The following UBE2W variants were observed in gnomAD, a reference collection of about 807,000 sequenced individuals.
UBE2W encodes the protein ubiquitin-conjugating enzyme E2 W.
A neutral mutation model predicts 27.2 loss-of-function variants in UBE2W; 18 were observed. The ratio of observed to expected loss-of-function variants is 0.66; its 90% CI spans 0.46 to 0.98. The LOEUF (loss-of-function observed/expected upper bound fraction) is 0.98. Ranked by LOEUF, UBE2W falls within the 50% of genes least tolerant of loss-of-function variation. UBE2W has a pLI of 0.00. For synonymous variants in UBE2W, 53 were observed against 57.2 expected, an observed-to-expected ratio of 0.93 and a Z score of 0.33; for missense variants, 90 against 180.2, an observed-to-expected ratio of 0.50 and a Z score of 2.87.
intron 5 of UBE2W, among the ~76,000 whole-genome samples, chr8:73,802,120 TC>T (rs1163344508): frequency 6.6e-6 from 1 of 152,248 alleles, no homozygotes; most frequent in Non-Finnish European, 1.5e-5. Context: ...GGACAGATTC[TC>T]TGAAGTTTAA....
downstream of UBE2W, among the ~76,000 whole-genome samples, chr8:73,785,587 C>G (rs574796770): frequency 7.2e-5 from 11 of 152,104 alleles, no homozygotes; most frequent in Middle Eastern, 3.4e-3. Context: ...TTTTTCCAAC[C>G]CTGGCACCCA....
intron 1 of UBE2W, among the ~76,000 whole-genome samples, chr8:73,848,483 A>C (rs1810912339): frequency 6.6e-6 from 1 of 152,134 alleles, no homozygotes; most frequent in Non-Finnish European, 1.5e-5. Context: ...CAGGAGTTTG[A>C]AACTAGCCTG....
intron 2 of UBE2W, 24 bp from the exon 3 acceptor site, chr8:73,825,273 AAACTT>A: frequency 6.6e-7 from 1 of 1,509,732 alleles, no homozygotes; most frequent in Non-Finnish European, 9.0e-7. Context: ...GGCAAATTAA[AAACTT>A]AAGATAATAG....
At chr8:73,810,658 T>G in intron 3 of UBE2W, 29 bp from the exon 4 acceptor site, 1 of 1,501,600 alleles carries the variant, frequency 6.7e-7, no homozygotes, top group South Asian at 1.3e-5. Flanking sequence ...CCATTAAAAC[T>G]CAAATATTCT....
chr8:73,822,236 C>A (rs1342071657), intron 3 of UBE2W, among the ~76,000 whole-genome samples: 1 of 152,092 alleles, frequency 6.6e-6, no homozygotes, highest in African/African-American at 2.4e-5. Context: ...TGTCGGCCAA[C>A]CTCCCCAACA....
chr8:73,780,603 C>T, intron 4 of UBE2W: 1 of 411,554 alleles, frequency 2.4e-6, no homozygotes. Flanking sequence ...CACAATGCAA[C>T]CTCCATCTCC....
intron 1 of UBE2W, among the ~76,000 whole-genome samples, chr8:73,851,264 G>T (rs1390609651): frequency 6.6e-6 from 1 of 151,632 alleles, no homozygotes; most frequent in Non-Finnish European, 1.5e-5. Context: ...TAGCAGAACT[G>T]AGGCAGAGGC....
At chr8:73,845,262 G>C (rs182564829) in intron 1 of UBE2W, among the ~76,000 whole-genome samples, 1 of 152,318 alleles carries the variant, frequency 6.6e-6, no homozygotes, top group East Asian at 1.9e-4. Flanking sequence ...CGGTTTTGTC[G>C]AACAGAAAAG....
In UBE2W at chr8:73,786,304, C is replaced by G. The variant is rs1424250399; in HGVS notation, c.*7798G>C. The G allele has an allele frequency of 1.0e-6, 1 of 985,310 alleles. No individual in the cohort carries two copies. Among genetic ancestry groups the G allele is most frequent in the South Asian group, 4.7e-5 (1 of 21,286 alleles). The allele number at this position is 985,310 out of a possible 1,614,324, so 61.0% of individuals were successfully genotyped here. On this transcript the variant is annotated 3_prime_UTR_variant, in exon 6 of 6. Transcript: ENST00000602593. Reference sequence around the variant, plus strand: ...GCAGGGTCCTGTTATACATTTTACTCAGGTGGTGGTTCTGGATATATGTTT... The same window carrying G: ...GCAGGGTCCTGTTATACATTTTACTGAGGTGGTGGTTCTGGATATATGTTT...
At chr8:73,863,129 G>A (rs1275651658) in intron 1 of UBE2W, among the ~76,000 whole-genome samples, 5 of 141,384 alleles carry the variant, frequency 3.5e-5, no homozygotes, top group Non-Finnish European at 5.9e-5. Flanking sequence ...ACATGCACAC[G>A]TATGTTTATT....
rs1349026054 is a variant in UBE2W, at chr8:73,791,451, C to G, written c.*2651G>C. 1.1e-5 allele frequency: 11 copies of G among 985,062 alleles called. No individual in the cohort carries two copies. The highest frequency in any genetic ancestry group is 1.7e-5 in the African/African-American group (1 of 57,204). 61.0% of individuals were successfully genotyped at this position (985,062 alleles called of 1,614,324 possible). A position where few individuals can be genotyped will look rare whatever the true frequency, so the allele number is the denominator to read the frequency against. On this transcript the variant is annotated 3_prime_UTR_variant, in exon 6 of 6. Transcript: ENST00000602593. Reference sequence around the variant, plus strand: ...AGTATGAAAGTCTAATTCTGTAGGCCTATGTCGCAAATAGTGCCCCACGAG... The same window carrying G: ...AGTATGAAAGTCTAATTCTGTAGGCGTATGTCGCAAATAGTGCCCCACGAG...
intron 5 of UBE2W, among the ~76,000 whole-genome samples, chr8:73,803,927 C>T (rs957482020): frequency 1.3e-5 from 2 of 151,866 alleles, no homozygotes; most frequent in Non-Finnish European, 2.9e-5. Context: ...CCACCACGCC[C>T]GGCTAATTTT....
chr8:73,812,997 C>G (rs1422144757), intron 3 of UBE2W, among the ~76,000 whole-genome samples: 1 of 139,502 alleles, frequency 7.2e-6, no homozygotes, highest in Non-Finnish European at 1.5e-5. Context: ...AAGAGCGAAA[C>G]TCGGCCTTAA....
intron 1 of UBE2W, among the ~76,000 whole-genome samples, chr8:73,840,562 T>C (rs764850614): frequency 2.6e-5 from 4 of 152,230 alleles, no homozygotes; most frequent in Non-Finnish European, 4.4e-5. Context: ...TAAAATTCCT[T>C]ACTTTGTAAA....
At chr8:73,843,982 C>A (rs1054863987) in intron 1 of UBE2W, among the ~76,000 whole-genome samples, 2 of 151,922 alleles carry the variant, frequency 1.3e-5, no homozygotes, top group Non-Finnish European at 2.9e-5. Context: ...AGCAAGACTC[C>A]ATCTCAAAAA....
intron 1 of UBE2W, among the ~76,000 whole-genome samples, chr8:73,863,929 CAACAAAA>C (rs1006309199): frequency 8.2e-6 from 1 of 122,372 alleles, no homozygotes; most frequent in African/African-American, 3.3e-5. Context: ...AAAACAACAA[CAACAAAA>C]AACAAAAAAC....
At chr8:73,836,828 C>G (rs1396860293) in intron 1 of UBE2W, among the ~76,000 whole-genome samples, 1 of 152,214 alleles carries the variant, frequency 6.6e-6, no homozygotes, top group Non-Finnish European at 1.5e-5. Context: ...CCATACTGGC[C>G]TGCTTTCCCA....
In UBE2W at chr8:73,790,493, T is replaced by C; in HGVS notation, c.*3609A>G. 2.0e-6 allele frequency: 2 copies of C among 984,606 alleles called. No individual in the cohort carries two copies. Among genetic ancestry groups the C allele is most frequent in the Non-Finnish European group, 2.4e-6 (2 of 829,266 alleles). The allele number at this position is 984,606 out of a possible 1,614,324, so 61.0% of individuals were successfully genotyped here. A position where few individuals can be genotyped will look rare whatever the true frequency, so the allele number is the denominator to read the frequency against. On this transcript the variant is annotated 3_prime_UTR_variant, in exon 6 of 6. Coordinates refer to ENST00000602593, the MANE Select transcript of UBE2W (RefSeq NM_018299.6). ...AGCTTCAGTTCTTTTTGAAAAGCAATTTACATACACAATTACAAATAATTG... is the reference window on the plus strand; with the variant it reads ...AGCTTCAGTTCTTTTTGAAAAGCAACTTACATACACAATTACAAATAATTG...
In UBE2W at chr8:73,794,870, G is replaced by GA. The variant is rs745852858; in HGVS notation, c.443-756dup. Among the ~76,000 whole-genome samples, 581 of 103,450 alleles carry GA rather than the reference G, an allele frequency of 5.6e-3. 1 individual carries two copies. Among genetic ancestry groups the GA allele is most frequent in the African/African-American group, 0.013 (365 of 27,958 alleles). 67.9% of individuals were successfully genotyped at this position (103,450 alleles called of 152,430 possible). On this transcript the variant is annotated intron_variant, in intron 5 of 5. Transcript: ENST00000602593. ...TCTGTCTCATAAAAAAAAAAAAAAA[G>GA]AAAAAAAAAAAAAGAAAATAAGCTT...
Sources: allele counts gnomAD v4.1 joint callset (sites outside exome capture counted in the v4.1 genomes callset), GRCh38; gene constraint gnomAD v4.1.1; transcripts MANE v1.5; gene names NCBI Gene and HGNC (gene_info 2026-07-23, HGNC 2026-07-21).